Variants in CRYL1 observed in about 807,000 individuals in gnomAD.
CRYL1 encodes lambda-crystallin homolog.
A neutral mutation model predicts 36.6 loss-of-function variants in CRYL1; 29 were observed. The ratio of observed to expected loss-of-function variants is 0.79; its 90% confidence interval spans 0.59 to 1.08. The LOEUF is 1.08. Among genes scored for constraint, CRYL1 ranks in the 50% least tolerant of loss-of-function variants. The pLI is 0.00. For missense variants in CRYL1, 411 were observed against 407.9 expected (o/e 1.01, Z -0.06); for synonymous variants, 152 against 151.5 (o/e 1.00, Z -0.02).
intron 1 of CRYL1, among the ~76,000 whole-genome samples, chr13:20,521,873 A>G (rs535849648): frequency 4.8e-4 from 73 of 152,330 alleles, no homozygotes; most frequent in African/African-American, 1.6e-3. Flanking sequence ...ATCTCAGTCT[A>G]CTATGGAAAT....
intron 7 of CRYL1, among the ~76,000 whole-genome samples, 164 bp from the exon 8 acceptor site, chr13:20,404,406 C>T (rs9509202): frequency 0.02 from 2,990 of 152,308 alleles, 52 homozygotes; most frequent in Non-Finnish European, 0.032. Flanking sequence ...AGACCTCAGT[C>T]CCTCAGAGAC....
intron 2 of CRYL1, among the ~76,000 whole-genome samples, chr13:20,499,429 G>T (rs377092671): frequency 6.6e-6 from 1 of 151,224 alleles, no homozygotes. Flanking sequence ...CGGGTGGATC[G>T]TGAGGTCAGG....
intron 1 of CRYL1, among the ~76,000 whole-genome samples, chr13:20,513,912 TA>T (rs34147753): frequency 0.1 from 10,789 of 103,706 alleles, 667 homozygotes; most frequent in East Asian, 0.4. Flanking sequence ...AAGAAAGTAT[TA>T]AAAAAAAAAA....
chr13:20,483,760 C>T lies in CRYL1; in HGVS notation c.276+5610G>A, dbSNP rs371351665. On this transcript the variant is annotated intron_variant, in intron 3 of 7. Coordinates refer to ENST00000298248, the MANE Select transcript of CRYL1 (RefSeq NM_015974.3). ...TTCACCATGTTGCTCAGGTTGGTCTCGAACTCCTGAGCTCAAGTAATCCAC... is the reference window on the plus strand; with the variant it reads ...TTCACCATGTTGCTCAGGTTGGTCTTGAACTCCTGAGCTCAAGTAATCCAC... 7.2e-5 allele frequency among the ~76,000 whole-genome samples: 11 copies of T among 152,150 alleles called. No homozygotes were observed. In the South Asian group the frequency reaches 1.9e-3, roughly 26 times the overall value.
At chr13:20,418,490 C>T (rs1458102733) in intron 5 of CRYL1, 1 of 152,208 alleles carries the variant, frequency 6.6e-6, no homozygotes, top group Non-Finnish European at 1.5e-5. Flanking sequence ...AATCCTCCTC[C>T]GTGACTATCT....
At chr13:20,427,008 G>A (rs977836750) in intron 5 of CRYL1, 2 of 985,526 alleles carry the variant, frequency 2.0e-6, no homozygotes, top group Non-Finnish European at 2.4e-6. Context: ...CTGAGAACCT[G>A]CCGAGGGTTG....
chr13:20,460,528 T>C (rs1319635962), intron 3 of CRYL1, among the ~76,000 whole-genome samples: 1 of 129,166 alleles, frequency 7.7e-6, no homozygotes, highest in Non-Finnish European at 1.6e-5. Context: ...TTTTTTTTTT[T>C]TTTTTTTTTT....
At chr13:20,489,548 A>G (rs756050168) in intron 2 of CRYL1, 52 bp from the exon 3 acceptor site, 2 of 1,601,362 alleles carry the variant, frequency 1.2e-6, no homozygotes, top group South Asian at 1.1e-5. Flanking sequence ...CACATTTAAA[A>G]ACAGATAAAG....
chr13:20,431,711 G>C, intron 5 of CRYL1: 1 of 1,149,850 alleles, frequency 8.7e-7, no homozygotes, highest in Non-Finnish European at 1.1e-6. Context: ...TCAGGAGACA[G>C]AAGTTTACAC....
intron 1 of CRYL1, among the ~76,000 whole-genome samples, chr13:20,522,838 A>G (rs9550658): frequency 0.19 from 29,135 of 151,812 alleles, 2,961 homozygotes; most frequent in East Asian, 0.38. Flanking sequence ...TGTTTTATAA[A>G]GGTAAGGCTA....
At chr13:20,484,128 T>C (rs2033345108) in intron 3 of CRYL1, among the ~76,000 whole-genome samples, 1 of 152,172 alleles carries the variant, frequency 6.6e-6, no homozygotes, top group Admixed American at 6.5e-5. Flanking sequence ...AATACAGCAA[T>C]TAATTTTTTT....
At chr13:20,439,514 C>CAAAAAAAAAAAAAAGAAAAA in intron 4 of CRYL1, 79 bp downstream of exon 4, 4 of 330,904 alleles carry the variant, frequency 1.2e-5, no homozygotes, top group African/African-American at 3.8e-5. Context: ...CCCTCCCCCG[C>CAAAAAAAAAAAAAAGAAAAA]AAAAAAAAAA....
intron 5 of CRYL1, among the ~76,000 whole-genome samples, chr13:20,426,370 G>A (rs921131561): frequency 1.3e-5 from 2 of 151,084 alleles, no homozygotes; most frequent in African/African-American, 2.4e-5. Flanking sequence ...CAGCTTCCTC[G>A]GTAGCTGGGA....
intron 5 of CRYL1, chr13:20,419,100 A>G (rs1441741359): frequency 6.6e-6 from 1 of 152,212 alleles, no homozygotes; most frequent in Non-Finnish European, 1.5e-5. Flanking sequence ...GAAAGAAAGG[A>G]TGGAACAAAG....
chr13:20,489,693 C>T lies in CRYL1; in HGVS notation c.150-197G>A, dbSNP rs1330666777. On this transcript the variant is annotated intron_variant, in intron 2 of 7. Transcript: ENST00000298248. Reference sequence around the variant, plus strand: ...GTGGAGAAACTGGAACCATTGTGCACTGCTGGTGAGACTGTAAAATGGTGC... The same window carrying T: ...GTGGAGAAACTGGAACCATTGTGCATTGCTGGTGAGACTGTAAAATGGTGC... 3.9e-5 allele frequency among the ~76,000 whole-genome samples: 6 copies of T among 152,208 alleles called. 1 individual carries two copies. The highest frequency in any genetic ancestry group is 8.8e-5 in the Non-Finnish European group (6 of 68,044).
At chr13:20,483,674 G>A (rs571937646) in intron 3 of CRYL1, among the ~76,000 whole-genome samples, 16 of 152,120 alleles carry the variant, frequency 1.1e-4, no homozygotes, top group African/African-American at 2.9e-4. Context: ...CAAGCAGCTG[G>A]GACCACAGGC....
intron 6 of CRYL1, among the ~76,000 whole-genome samples, chr13:20,408,201 C>T (rs906068561): frequency 2.0e-5 from 3 of 152,168 alleles, no homozygotes; most frequent in African/African-American, 7.2e-5. Context: ...GAGGCAGAAC[C>T]GACCCGGGCC....
intron 5 of CRYL1, among the ~76,000 whole-genome samples, chr13:20,419,459 AT>A (rs2031749147): frequency 6.6e-6 from 1 of 151,800 alleles, no homozygotes; most frequent in Admixed American, 6.6e-5. Flanking sequence ...CGCCCAGCTA[AT>A]TTTGTATTTT....
At chr13:20,510,812 C>A (rs2033901242) in intron 2 of CRYL1, among the ~76,000 whole-genome samples, 1 of 151,810 alleles carries the variant, frequency 6.6e-6, no homozygotes, top group Non-Finnish European at 1.5e-5. Flanking sequence ...AGAGTTTCAC[C>A]ATGTTGCTTA....
Sources: gnomAD v4.1 joint callset for allele counts (sites outside exome capture counted in the v4.1 genomes callset) on GRCh38, gnomAD v4.1.1 for gene constraint, MANE v1.5 for transcripts, NCBI Gene and HGNC (gene_info 2026-07-23, HGNC 2026-07-21) for gene names.